The following PRSS38 variants were observed in gnomAD, a reference collection of about 807,000 sequenced individuals.
The protein encoded by PRSS38 is marapsin 2.
Under a neutral mutation model 26.8 loss-of-function variants are expected in PRSS38, and 22 were observed. The ratio of observed to expected loss-of-function variants is 0.82; its 90% confidence interval spans 0.59 to 1.17. The LOEUF (loss-of-function observed/expected upper bound fraction) is 1.17, where lower values mean the gene tolerates loss of function less well. Among genes scored for constraint, PRSS38 ranks in the 50% most tolerant of loss-of-function variants. PRSS38 has a pLI of 0.00. For missense variants in PRSS38, 427 were observed against 422.7 expected, an observed-to-expected ratio of 1.01 and a Z score of -0.09; for synonymous variants, 175 against 172.1, an observed-to-expected ratio of 1.02 and a Z score of -0.13.
intron 3 of PRSS38, among the ~76,000 whole-genome samples, chr1:227,839,961 T>G (rs1170783621): frequency 6.6e-6 from 1 of 152,162 alleles, no homozygotes; most frequent in Non-Finnish European, 1.5e-5. Context: ...CTTGAGAATA[T>G]TTTGCTAGCT....
intron 3 of PRSS38, among the ~76,000 whole-genome samples, chr1:227,840,020 G>T (rs929890813): frequency 1.3e-5 from 2 of 152,144 alleles, no homozygotes; most frequent in African/African-American, 4.8e-5. Context: ...CCAGAAAACC[G>T]CAGCCCCTGT....
In PRSS38 at chr1:227,829,285, C is replaced by T. The variant is rs796487181; in HGVS notation, c.583+11805C>T. On this transcript the variant is annotated intron_variant, in intron 3 of 4. Transcript: ENST00000366757. ...ATAAGCCTTCCCTTTTCTCTTCATC[C>T]TCACCAATTTCTGTTGTTTTTTGAC... Among the ~76,000 whole-genome samples the T allele has an allele frequency of 9.2e-5, 14 of 152,246 alleles. 1 individual carries two copies. Among genetic ancestry groups the T allele is most frequent in the African/African-American group, 3.4e-4 (14 of 41,538 alleles).
rs765597803 is a variant in PRSS38, at chr1:227,816,374, C to T, written c.311+122C>T. 1.2e-4 allele frequency: 130 copies of T among 1,083,972 alleles called. No homozygotes were observed. Among genetic ancestry groups the T allele is most frequent in the Non-Finnish European group, 1.6e-4 (121 of 754,830 alleles). 67.1% of individuals were successfully genotyped at this position (1,083,972 alleles called of 1,614,324 possible). Reference sequence around the variant, plus strand: ...CATTGTCGACTCCCTTCACCACTGTCGACCCGCGCAAGGCCAGGTCCCCAC... The same window carrying T: ...CATTGTCGACTCCCTTCACCACTGTTGACCCGCGCAAGGCCAGGTCCCCAC... On this transcript the variant is annotated intron_variant, in intron 2 of 4. Coordinates refer to ENST00000366757, the Ensembl canonical transcript of PRSS38. This position sits in a 1 kb window ranked among gnomAD's most constrained non-coding sequence, Gnocchi z 5.1.
chr1:227,830,159 A>G (rs1357907818), intron 3 of PRSS38, among the ~76,000 whole-genome samples: 3 of 152,190 alleles, frequency 2.0e-5, no homozygotes, highest in African/African-American at 7.2e-5. Flanking sequence ...TGTGTATAAT[A>G]GTCTTTCTAG....
intron 3 of PRSS38, among the ~76,000 whole-genome samples, chr1:227,838,408 G>A (rs1286731419): frequency 3.3e-5 from 5 of 152,302 alleles, no homozygotes; most frequent in Middle Eastern, 3.4e-3. Context: ...CCTGAGCACC[G>A]CCCTGCAGAT....
chr1:227,817,017 C>T (rs1448616665), intron 2 of PRSS38, among the ~76,000 whole-genome samples, 192 bp from the exon 3 acceptor site: 2 of 152,212 alleles, frequency 1.3e-5, no homozygotes, highest in Admixed American at 1.3e-4. Flanking sequence ...CCCAGAGCCT[C>T]CATGGGCCAA....
chr1:227,815,857 C>T, exon 1 of PRSS38: 7 of 1,605,622 alleles, frequency 4.4e-6, no homozygotes, highest in Non-Finnish European at 5.1e-6. Context: ...CCCTAACTGG[C>T]AGCGTGGGTA....
chr1:227,833,485 G>T lies in PRSS38; in HGVS notation c.584-11985G>T, dbSNP rs530858654. Among the ~76,000 whole-genome samples the T allele has an allele frequency of 1.1e-4, 17 of 151,854 alleles. 1 individual carries two copies. In the South Asian group the frequency reaches 3.1e-3, roughly 28 times the overall value. On this transcript the variant is annotated intron_variant, in intron 3 of 4. Coordinates refer to ENST00000366757, the Ensembl canonical transcript of PRSS38. ...GAGGTTGCAGTGAGCCAAGATCGTGGCACTGCACTCTAGCCTGGGCAACAA... is the reference window on the plus strand; with the variant it reads ...GAGGTTGCAGTGAGCCAAGATCGTGTCACTGCACTCTAGCCTGGGCAACAA...
At chr1:227,819,567 T>C (rs987887420) in intron 3 of PRSS38, among the ~76,000 whole-genome samples, 2 of 152,208 alleles carry the variant, frequency 1.3e-5, no homozygotes, top group Non-Finnish European at 2.9e-5. Flanking sequence ...TTGAGTAATG[T>C]TGACATTTTA....
In PRSS38 at chr1:227,822,110, T is replaced by C. The variant is rs191109244; in HGVS notation, c.583+4630T>C. On this transcript the variant is annotated intron_variant, in intron 3 of 4. Coordinates refer to ENST00000366757, the Ensembl canonical transcript of PRSS38. ...TGCTCTCTTGTGCTTGCTCAAATTGTCTGCTTTGCCCCTTTAGTGAAGTTT... is the reference window on the plus strand; with the variant it reads ...TGCTCTCTTGTGCTTGCTCAAATTGCCTGCTTTGCCCCTTTAGTGAAGTTT... Among the ~76,000 whole-genome samples the C allele has an allele frequency of 9.5e-4, 144 of 152,278 alleles. 1 individual carries two copies. The highest frequency in any genetic ancestry group is 2.9e-3 in the Admixed American group (45 of 15,280).
intron 3 of PRSS38, among the ~76,000 whole-genome samples, chr1:227,830,739 A>C (rs1039971613): frequency 6.6e-6 from 1 of 151,904 alleles, no homozygotes; most frequent in South Asian, 2.1e-4. Flanking sequence ...TCGTGGCCTC[A>C]GGTGATCTGC....
chr1:227,819,427 T>C (rs545466713), intron 3 of PRSS38, among the ~76,000 whole-genome samples: 1 of 152,334 alleles, frequency 6.6e-6, no homozygotes, highest in South Asian at 2.1e-4. Context: ...ATATTTGTTA[T>C]TCGTTTCTCA....
chr1:227,815,717 A>G (rs749900779), exon 1 of PRSS38: 2 of 1,582,998 alleles, frequency 1.3e-6, no homozygotes, highest in African/African-American at 1.3e-5. Context: ...CTCGAGCCTC[A>G]TGGCTGCCCC....
intron 3 of PRSS38, among the ~76,000 whole-genome samples, chr1:227,824,699 T>C (rs547875666): frequency 2.6e-5 from 4 of 152,244 alleles, no homozygotes; most frequent in Non-Finnish European, 5.9e-5. Flanking sequence ...ATGTAAAAAA[T>C]GTTCCTTTGT....
At chr1:227,845,743 G>A in intron 4 of PRSS38, 131 bp downstream of exon 4, 1 of 1,243,038 alleles carries the variant, frequency 8.0e-7, no homozygotes, top group Non-Finnish European at 1.1e-6. Context: ...GCAGGGCGAT[G>A]TATGACAATG....
chr1:227,825,129 C>T lies in PRSS38; in HGVS notation c.583+7649C>T, dbSNP rs922582390. 4.6e-5 allele frequency among the ~76,000 whole-genome samples: 7 copies of T among 152,282 alleles called. No individual in the cohort carries two copies. In the East Asian group the frequency reaches 7.7e-4, roughly 17 times the overall value. Reference sequence around the variant, plus strand: ...TTGCAATTGCTTTTGGCATTTTTGTCATGAAACCTTTGCCTGTGCCTATGT... The same window carrying T: ...TTGCAATTGCTTTTGGCATTTTTGTTATGAAACCTTTGCCTGTGCCTATGT... On this transcript the variant is annotated intron_variant, in intron 3 of 4. Coordinates refer to ENST00000366757, the Ensembl canonical transcript of PRSS38.
intron 3 of PRSS38, among the ~76,000 whole-genome samples, chr1:227,826,466 C>T (rs1010402371): frequency 4.6e-5 from 7 of 152,178 alleles, no homozygotes; most frequent in Admixed American, 2.0e-4. Context: ...GTAATCCCAA[C>T]ACTTTGGGAG....
In PRSS38 at chr1:227,816,689, C is replaced by T. The variant is rs939420403; in HGVS notation, c.311+437C>T. ...CCAGATTCCCACAAGTGAGGCTGGT[C>T]CTCAAGGGCACAGCCAGATTCCCAC... On this transcript the variant is annotated intron_variant, in intron 2 of 4. Transcript: ENST00000366757. This position sits in a 1 kb window ranked among gnomAD's most constrained non-coding sequence, Gnocchi z 5.1. Among the ~76,000 whole-genome samples, 1 of 152,144 alleles carries T rather than the reference C, an allele frequency of 6.6e-6. No homozygotes were observed. Among genetic ancestry groups the T allele is most frequent in the Non-Finnish European group, 1.5e-5 (1 of 68,024 alleles).
At chr1:227,826,708 TC>T (rs1665079189) in intron 3 of PRSS38, among the ~76,000 whole-genome samples, 1 of 151,336 alleles carries the variant, frequency 6.6e-6, no homozygotes, top group African/African-American at 2.4e-5. Context: ...AGAGTGAACC[TC>T]CATCTCAAGA....
Sources: gnomAD v4.1 joint callset for allele counts (sites outside exome capture counted in the v4.1 genomes callset) on GRCh38, gnomAD v4.1.1 for gene constraint, Gnocchi (gnomAD v3.1) non-coding constraint, MANE v1.5 for transcripts, NCBI Gene and HGNC (gene_info 2026-07-23, HGNC 2026-07-21) for gene names.